The following ADRA1A variants were observed in gnomAD, a reference collection of about 807,000 sequenced individuals.
The protein encoded by ADRA1A is adrenoceptor alpha 1A, also known as alpha-1A adrenergic receptor.
In ADRA1A, 31 loss-of-function variants were observed where a neutral mutation model predicts 29.6. That is an observed-to-expected ratio of 1.05 (90% CI 0.79 to 1.41). The LOEUF (loss-of-function observed/expected upper bound fraction) is 1.41, where lower values mean the gene tolerates loss of function less well. ADRA1A is among the 40% of genes most tolerant of loss of function. ADRA1A has a pLI of 0.00. For missense variants in ADRA1A, 619 were observed against 601.1 expected (o/e 1.03, Z -0.31); for synonymous variants, 311 against 254.3 (o/e 1.22, Z -2.12).
At chr8:26,858,833 A>G (rs1813229758) in intron 2 of ADRA1A, among the ~76,000 whole-genome samples, 1 of 152,192 alleles carries the variant, frequency 6.6e-6, no homozygotes, top group Non-Finnish European at 1.5e-5. Context: ...CTGAATTTCA[A>G]CCAAACATTT....
In ADRA1A at chr8:26,769,876, GT is replaced by G; in HGVS notation, c.*272del. The G allele has an allele frequency of 8.4e-7, 1 of 1,187,052 alleles. No individual in the cohort carries two copies. Among genetic ancestry groups the G allele is most frequent in the Non-Finnish European group, 1.0e-6 (1 of 958,638 alleles). 73.5% of individuals were successfully genotyped at this position (1,187,052 alleles called of 1,614,324 possible). The stretch of plus-strand genomic sequence containing the variant: ...GCATGAAATTCTGTTTCCCATGGTG[GT>G]TTTCGTTGAAGTGGGCACAGAGTGA... On this transcript the variant is annotated 3_prime_UTR_variant, in exon 3 of 3. Transcript: ENST00000380573.
Position 26,770,104 on chromosome 8 carries a change from G to T in ADRA1A, c.*45C>A, listed in dbSNP as rs773161924. On this transcript the variant is annotated 3_prime_UTR_variant, in exon 3 of 3. Transcript: ENST00000380573. The stretch of plus-strand genomic sequence containing the variant: ...GCTGGCCTTCCGAGAAGGAAGTGGG[G>T]TGGGTACCTAAGATTATTCCCCTTT... 2.0e-6 allele frequency: 3 copies of T among 1,516,354 alleles called. No individual in the cohort carries two copies. The highest frequency in any genetic ancestry group is 2.8e-5 in the African/African-American group (2 of 71,714). 93.9% of individuals were successfully genotyped at this position (1,516,354 alleles called of 1,614,324 possible).
intron 2 of ADRA1A, among the ~76,000 whole-genome samples, chr8:26,786,742 G>T (rs1807416434): frequency 9.1e-6 from 1 of 109,970 alleles, no homozygotes; most frequent in South Asian, 2.8e-4. Flanking sequence ...TCCATGCTGG[G>T]TTGGGGGGGG....
intron 2 of ADRA1A, among the ~76,000 whole-genome samples, chr8:26,836,651 A>G (rs182895105): frequency 6.6e-6 from 1 of 152,338 alleles, no homozygotes; most frequent in East Asian, 1.9e-4. Context: ...CCAAAACCAA[A>G]GTGATATTGT....
chr8:26,750,541 G>A lies in ADRA1A; in HGVS notation c.1270-1793C>T, dbSNP rs375386068. On this transcript the variant is annotated intron_variant, in intron 2 of 2. Coordinates refer to the ADRA1A transcript ENST00000380586. ...AAGGACAAAAATCTCATTCATGAAG[G>A]CTTTGTCCTCATGACCTAATTACTT... Among the ~76,000 whole-genome samples, 15 of 152,184 alleles carry A rather than the reference G, an allele frequency of 9.9e-5. No individual in the cohort carries two copies. The East Asian group carries it at 1.7e-3, about 18-fold the overall frequency.
rs559117289 is a variant in ADRA1A at position 26,854,726 on chromosome 8, C to T, written c.883+9361G>A. On this transcript the variant is annotated intron_variant, in intron 2 of 2. Coordinates refer to ENST00000380573, the MANE Select transcript of ADRA1A (RefSeq NM_000680.4). ...GAAACAATGGAGTCATAGTCAAACC[C>T]TCTCTGACTACTATGACATTTGTAA... 3.9e-5 allele frequency: 6 copies of T among 152,382 alleles called. No individual in the cohort carries two copies. The East Asian group carries it at 1.2e-3, about 29-fold the overall frequency. The allele number at this position is 152,382 out of a possible 1,614,324, so 9.4% of individuals were successfully genotyped here. A position where few individuals can be genotyped will look rare whatever the true frequency, so the allele number is the denominator to read the frequency against.
chr8:26,827,502 C>T (rs542109675), intron 2 of ADRA1A, among the ~76,000 whole-genome samples: 1 of 152,342 alleles, frequency 6.6e-6, no homozygotes, highest in South Asian at 2.1e-4. Flanking sequence ...GATCCAGGTA[C>T]CAGCAGTTGC....
chr8:26,764,411 T>A (rs1388175474), downstream of ADRA1A, among the ~76,000 whole-genome samples: 1 of 152,084 alleles, frequency 6.6e-6, no homozygotes, highest in Admixed American at 6.5e-5. Context: ...CCTCGGCCCC[T>A]AGAACAGTGA....
chr8:26,856,369 C>A (rs560317375), intron 2 of ADRA1A, among the ~76,000 whole-genome samples: 18 of 152,286 alleles, frequency 1.2e-4, no homozygotes, highest in Non-Finnish European at 2.4e-4. Flanking sequence ...TTTCACTAAG[C>A]CTTTGATAAT....
Position 26,825,935 on chromosome 8 carries a change from G to A in ADRA1A, c.883+38152C>T, listed in dbSNP as rs1421516138. ...CTACAATGTCCCAAGTGCTGAGCTG[G>A]GCACTGGCCATGCCAAAAACACATA... On this transcript the variant is annotated intron_variant, in intron 2 of 2. Transcript: ENST00000380573. This position sits in a 1 kb window ranked among gnomAD's most constrained non-coding sequence, Gnocchi z 5.7. 1.3e-5 allele frequency among the ~76,000 whole-genome samples: 2 copies of A among 152,168 alleles called. No homozygotes were observed. The highest frequency in any genetic ancestry group is 2.9e-5 in the Non-Finnish European group (2 of 68,022).
intron 2 of ADRA1A, among the ~76,000 whole-genome samples, chr8:26,849,150 C>T (rs1052679401): frequency 6.6e-6 from 1 of 152,230 alleles, no homozygotes; most frequent in Non-Finnish European, 1.5e-5. Context: ...TTTCTTGAAA[C>T]TATAGTTTGG....
chr8:26,801,440 CA>C (rs1808572098), intron 2 of ADRA1A, among the ~76,000 whole-genome samples: 1 of 151,964 alleles, frequency 6.6e-6, no homozygotes, highest in Admixed American at 6.6e-5. Flanking sequence ...TTGCAGGATA[CA>C]AAAATCAGCA....
intron 2 of ADRA1A, among the ~76,000 whole-genome samples, chr8:26,801,480 T>C (rs931181473): frequency 6.6e-6 from 1 of 152,070 alleles, no homozygotes; most frequent in Non-Finnish European, 1.5e-5. Flanking sequence ...AGCAAACAGT[T>C]TGAAAAAGAT....
At chr8:26,765,719 C>T, downstream of ADRA1A, 1 of 929,500 alleles carries the variant, frequency 1.1e-6, no homozygotes, top group Non-Finnish European at 1.3e-6. Context: ...TGCTAATGAG[C>T]AGAGCTCTTT....
intron 2 of ADRA1A, among the ~76,000 whole-genome samples, chr8:26,788,418 A>C (rs183639440): frequency 4.1e-4 from 62 of 152,312 alleles, no homozygotes; most frequent in African/African-American, 1.4e-3. Context: ...CCCAGAAATT[A>C]GACATAATTT....
At chr8:26,861,438 A>T (rs1438074454) in intron 2 of ADRA1A, among the ~76,000 whole-genome samples, 1 of 151,460 alleles carries the variant, frequency 6.6e-6, no homozygotes, top group East Asian at 2.0e-4. Context: ...AATAGCTGGG[A>T]CTAAAGGTGC....
chr8:26,756,902 A>C, intron 2 of ADRA1A: 5 of 1,429,788 alleles, frequency 3.5e-6, no homozygotes, highest in Non-Finnish European at 4.7e-6. Flanking sequence ...TCCAAACCCA[A>C]TGTGTCCATT....
Position 26,866,764 on chromosome 8 carries a change from C to T in ADRA1A, c.-687+172G>A, listed in dbSNP as rs1007312411. Among the ~76,000 whole-genome samples, 3 of 152,122 alleles carry T rather than the reference C, an allele frequency of 2.0e-5. No individual in the cohort carries two copies. The highest frequency in any genetic ancestry group is 7.2e-5 in the African/African-American group (3 of 41,422). ...AAAAAGACACTTGTTCAGTAGAAGG[C>T]AACTTCGCAGAAGATGTAAGGGAAT... On this transcript the variant is annotated intron_variant, in intron 1 of 2. Coordinates refer to ENST00000380573, the MANE Select transcript of ADRA1A (RefSeq NM_000680.4). The surrounding 1 kb of genome is among the most constrained non-coding windows in gnomAD (Gnocchi z 5.7).
downstream of ADRA1A, among the ~76,000 whole-genome samples, chr8:26,767,831 A>T (rs1322190763): frequency 1.3e-5 from 2 of 152,220 alleles, no homozygotes; most frequent in Non-Finnish European, 2.9e-5. Context: ...TCTTATTCAG[A>T]TCCTGGACCA....
Sources: gnomAD v4.1 joint callset for allele counts (sites outside exome capture counted in the v4.1 genomes callset) on GRCh38, gnomAD v4.1.1 for gene constraint, Gnocchi (gnomAD v3.1) non-coding constraint, MANE v1.5 for transcripts, NCBI Gene and HGNC (gene_info 2026-07-23, HGNC 2026-07-21) for gene names.